Variants in DIDO1 observed in about 807,000 individuals in gnomAD.
DIDO1 encodes death inducer-obliterator 1, also known as death-inducer obliterator 1.
In DIDO1, 16 loss-of-function variants were observed where a neutral mutation model predicts 99.4. That is an observed-to-expected ratio of 0.16 (90% CI 0.11 to 0.24). The LOEUF is 0.24. Among genes scored for constraint, DIDO1 ranks in the 10% least tolerant of loss-of-function variants. DIDO1 has a pLI of 1.00. For missense variants in DIDO1, 2,996 were observed against 3,014.0 expected (o/e 0.99, Z 0.14); for synonymous variants, 1,366 against 1,239.1 (o/e 1.10, Z -2.15).
At chr20:62,902,778 C>G (rs990017312) in intron 6 of DIDO1, among the ~76,000 whole-genome samples, 19 of 152,224 alleles carry the variant, frequency 1.2e-4, no homozygotes, top group Non-Finnish European at 1.2e-4. Flanking sequence ...GGTTTACAAA[C>G]TGGCAACGTT....
chr20:62,900,190 C>T (rs1568853643), intron 6 of DIDO1, among the ~76,000 whole-genome samples: 1 of 152,206 alleles, frequency 6.6e-6, no homozygotes, highest in Non-Finnish European at 1.5e-5. Flanking sequence ...GGTCCCCTGC[C>T]CCTCCCCACA....
intron 1 of DIDO1, among the ~76,000 whole-genome samples, chr20:62,935,480 C>T (rs1408742682): frequency 1.3e-5 from 2 of 152,150 alleles, no homozygotes; most frequent in Non-Finnish European, 2.9e-5. Flanking sequence ...GGATTCTGTG[C>T]AAGCATAAAG....
rs1256615228 is a variant in DIDO1 at position 62,889,062 on chromosome 20, A to G, written c.3541+1898T>C. 6.1e-6 allele frequency: 6 copies of G among 985,488 alleles called. No homozygotes were observed. The African/African-American group carries it at 1.0e-4, about 17-fold the overall frequency. The allele number at this position is 985,488 out of a possible 1,614,324, so 61.0% of individuals were successfully genotyped here. On this transcript the variant is annotated intron_variant, in intron 15 of 15. Transcript: ENST00000395343. ...GTCAGGCGGCGTCGTGGCCTCAGCA[A>G]GTGCCTTGGTGGGCGAGTGTGACGT... is the stretch of plus-strand genomic sequence containing the variant.
At chr20:62,909,440 T>C (rs1018985874) in intron 4 of DIDO1, among the ~76,000 whole-genome samples, 1 of 152,246 alleles carries the variant, frequency 6.6e-6, no homozygotes, top group Non-Finnish European at 1.5e-5. Context: ...TTTCTGCTAA[T>C]GCATACAAAG....
At chr20:62,885,589 T>G (rs116658889) in intron 15 of DIDO1, among the ~76,000 whole-genome samples, 6,288 of 152,288 alleles carry the variant, frequency 0.041, 246 homozygotes, top group African/African-American at 0.099. Flanking sequence ...CAGCTCTTGG[T>G]GCTCTCAACT....
chr20:62,916,346 A>G (rs917277200), intron 1 of DIDO1, among the ~76,000 whole-genome samples: 47 of 152,164 alleles, frequency 3.1e-4, no homozygotes, highest in Non-Finnish European at 2.8e-4. Context: ...AAACTGCTTC[A>G]TTTTCTATTG....
rs756997918 is a variant in DIDO1 at position 62,891,991 on chromosome 20, G to A, written c.3341C>T (p.Ser1114Phe). The A allele has an allele frequency of 2.5e-6, 4 of 1,610,840 alleles. No individual in the cohort carries two copies. The highest frequency in any genetic ancestry group is 2.2e-5 in the East Asian group (1 of 44,858). Residue 1114 changes from serine (S) to phenylalanine (F), a missense_variant, in exon 14 of 16, where the codon TCT (serine) becomes TTT (phenylalanine). Around this residue, in one of 5 missense-constraint regions of DIDO1, gnomAD observed 135 missense variants for 202.3 expected, o/e 0.67. Transcript: ENST00000395343. Reference sequence around the variant, plus strand: ...ATTTATACTATAAGCAGGTACCTTAGACACAGAAGACTTGAGTTTGCCAAC... The same window carrying A: ...ATTTATACTATAAGCAGGTACCTTAAACACAGAAGACTTGAGTTTGCCAAC... ...DYVGKLKSSV[S>F]KELCLIRFHP...
At chr20:62,914,555 C>T (rs190700393) in intron 1 of DIDO1, 149 bp from the exon 2 acceptor site, 3 of 152,310 alleles carry the variant, frequency 2.0e-5, no homozygotes, top group Admixed American at 1.3e-4. Context: ...AAAACCAGCA[C>T]GCAAGCAGTG....
intron 15 of DIDO1, chr20:62,887,875 C>G: frequency 1.0e-6 from 1 of 985,490 alleles, no homozygotes; most frequent in Non-Finnish European, 1.2e-6. Context: ...CCAGCTGCCC[C>G]CCACCGTGAT....
intron 13 of DIDO1, among the ~76,000 whole-genome samples, 198 bp downstream of exon 13, chr20:62,892,611 G>C (rs879629253): frequency 6.6e-6 from 1 of 152,198 alleles, no homozygotes; most frequent in Non-Finnish European, 1.5e-5. Context: ...CCAAACTGCT[G>C]AACCTGCGGA....
At position 62,908,530 on chromosome 20, in the gene DIDO1, T is replaced by C. The variant is rs548862528; in HGVS notation, c.1161+1169A>G. Among the ~76,000 whole-genome samples, 4 of 152,344 alleles carry C rather than the reference T, an allele frequency of 2.6e-5. No individual in the cohort carries two copies. In the South Asian group the frequency reaches 6.2e-4, roughly 24 times the overall value. Reference sequence around the variant, plus strand: ...CTTGACCACTGCTGTTTACAAAGTCTGTCTCGATGATCAGGCCTCAACACA... The same window carrying C: ...CTTGACCACTGCTGTTTACAAAGTCCGTCTCGATGATCAGGCCTCAACACA... On this transcript the variant is annotated intron_variant, in intron 4 of 15. Coordinates refer to ENST00000395343, the MANE Select transcript of DIDO1 (RefSeq NM_001193369.2).
chr20:62,911,687 G>A lies in DIDO1; in HGVS notation c.-2-73C>T, dbSNP rs915388359. On this transcript the variant is annotated intron_variant, in intron 2 of 15. Transcript: ENST00000395343. The surrounding 1 kb of genome is among the most constrained non-coding windows in gnomAD (Gnocchi z 7.0). Reference sequence around the variant, plus strand: ...AAGGTGACATTGCCGCCAAACACGCGCAGCAGGGGCCACCTCCCTACAAAC... The same window carrying A: ...AAGGTGACATTGCCGCCAAACACGCACAGCAGGGGCCACCTCCCTACAAAC... The A allele has an allele frequency of 1.0e-5, 14 of 1,351,796 alleles. No individual in the cohort carries two copies. The highest frequency in any genetic ancestry group is 7.3e-5 in the African/African-American group (5 of 68,344). The allele number at this position is 1,351,796 out of a possible 1,614,324, so 83.7% of individuals were successfully genotyped here. A position where few individuals can be genotyped will look rare whatever the true frequency, so the allele number is the denominator to read the frequency against.
Position 62,896,036 on chromosome 20 carries a change from A to G in DIDO1, c.2214+197T>C, listed in dbSNP as rs1472824688. On this transcript the variant is annotated intron_variant, in intron 8 of 15. Coordinates refer to ENST00000395343, the MANE Select transcript of DIDO1 (RefSeq NM_001193369.2). The surrounding 1 kb of genome is among the most constrained non-coding windows in gnomAD (Gnocchi z 4.4). ...CCAGGAAGCGGACGCGACCCTAGTT[A>G]AGGCAGGGAAGGGAAGGGGTTTCCA... 6.6e-6 allele frequency among the ~76,000 whole-genome samples: 1 copy of G among 152,188 alleles called. No homozygotes were observed. The highest frequency in any genetic ancestry group is 1.5e-5 in the Non-Finnish European group (1 of 68,038).
chr20:62,894,051 C>A lies in DIDO1; in HGVS notation c.2716G>T (p.Ala906Ser). The change falls in exon 12 of 16, where the codon GCT becomes TCT. Residue 906 changes from alanine (A) to serine (S), a missense_variant. Around this residue, in one of 5 missense-constraint regions of DIDO1, gnomAD observed 898 missense variants for 972.7 expected, o/e 0.92. Coordinates refer to ENST00000395343, the MANE Select transcript of DIDO1 (RefSeq NM_001193369.2). The surrounding 1 kb of genome is among the most constrained non-coding windows in gnomAD (Gnocchi z 4.4). ...PDSADEVMPE[A>S]VPEVASEPGL... ...GGCTCAGAGGCAACTTCAGGCACAG[C>A]CTCCGGCATCACCTCATCAGCTGAA... The A allele has an allele frequency of 1.2e-6, 2 of 1,614,230 alleles. No homozygotes were observed. The highest frequency in any genetic ancestry group is 2.2e-5 in the South Asian group (2 of 91,088).
rs1247571250 is a variant in DIDO1 at position 62,937,795 on chromosome 20, C to T, written c.-200+1G>A. ...GCAAACGACAGGAAAAAAGCTGGGA[C>T]CTTCGCCTCCGACTCAGTGTAGACG... On this transcript the variant is annotated splice_donor_variant, in intron 1 of 15. Transcript: ENST00000266070. LOFTEE classifies it low-confidence loss of function (5UTR_SPLICE). 2.5e-6 allele frequency: 1 copy of T among 398,412 alleles called. No homozygotes were observed. The highest frequency in any genetic ancestry group is 4.4e-6 in the Non-Finnish European group (1 of 225,924). The allele number at this position is 398,412 out of a possible 1,614,324, so 24.7% of individuals were successfully genotyped here.
At chr20:62,918,844 G>C (rs74851678) in intron 1 of DIDO1, among the ~76,000 whole-genome samples, 1 of 152,140 alleles carries the variant, frequency 6.6e-6, no homozygotes, top group Non-Finnish European at 1.5e-5. Context: ...CAGATGAGGA[G>C]CAACTGAGAA....
At chr20:62,912,624 T>C (rs550483043) in intron 2 of DIDO1, among the ~76,000 whole-genome samples, 2 of 152,208 alleles carry the variant, frequency 1.3e-5, no homozygotes, top group African/African-American at 4.8e-5. Flanking sequence ...ACTTTGAGAA[T>C]TCTTTTCCAA....
At chr20:62,921,922 T>C (rs1182792182) in intron 1 of DIDO1, among the ~76,000 whole-genome samples, 3 of 149,584 alleles carry the variant, frequency 2.0e-5, no homozygotes, top group East Asian at 1.9e-4. Context: ...ATATACACTA[T>C]ATATGTCCAA....
upstream of DIDO1, among the ~76,000 whole-genome samples, chr20:62,930,269 T>C (rs923383134): frequency 2.0e-5 from 3 of 151,466 alleles, no homozygotes; most frequent in African/African-American, 7.3e-5. Context: ...AATGCTACGT[T>C]TGTGCATCAC....
Sources: allele counts gnomAD v4.1 joint callset (sites outside exome capture counted in the v4.1 genomes callset), GRCh38; gene constraint gnomAD v4.1.1; regional missense constraint gnomAD v4.1.1; non-coding constraint Gnocchi (gnomAD v3.1); transcripts MANE v1.5; gene names NCBI Gene and HGNC (gene_info 2026-07-23, HGNC 2026-07-21).